The following GRM8 variants were observed in gnomAD, a reference collection of about 807,000 sequenced individuals.
The protein encoded by GRM8 is glutamate metabotropic receptor 8.
GRM8 carries 47 observed loss-of-function variants against 87.2 expected under a neutral mutation model. The observed-to-expected ratio is 0.54, with a 90% CI of 0.43 to 0.69. GRM8 has a LOEUF of 0.69. GRM8 is among the 30% of genes least tolerant of loss of function. GRM8 has a pLI of 0.00. For synonymous variants in GRM8, 396 were observed against 404.5 expected, an observed-to-expected ratio of 0.98 and a Z score of 0.25; for missense variants, 1,019 against 1,139.2, an observed-to-expected ratio of 0.89 and a Z score of 1.52.
In GRM8 at chr7:127,106,484, A is replaced by G. The variant is rs1380588848; in HGVS notation, c.727+12T>C. ...ACCTCCAAATACAATCATCTGATAAATATATGCTTACCAATCTCCCTCGAG... is the reference window on the plus strand; with the variant it reads ...ACCTCCAAATACAATCATCTGATAAGTATATGCTTACCAATCTCCCTCGAG... On this transcript the variant is annotated intron_variant, in intron 3 of 10. Transcript: ENST00000339582. 6.2e-7 allele frequency: 1 copy of G among 1,600,188 alleles called. No homozygotes were observed. Among genetic ancestry groups the G allele is most frequent in the Non-Finnish European group, 8.6e-7 (1 of 1,167,804 alleles).
chr7:126,797,339 A>C (rs1340138680), intron 6 of GRM8, among the ~76,000 whole-genome samples: 1 of 152,138 alleles, frequency 6.6e-6, no homozygotes, highest in Non-Finnish European at 1.5e-5. Context: ...TAAGAACATC[A>C]TTTGTGGTTT....
intron 9 of GRM8, among the ~76,000 whole-genome samples, chr7:126,529,241 A>G (rs1422371138): frequency 1.3e-5 from 2 of 152,144 alleles, no homozygotes; most frequent in Non-Finnish European, 2.9e-5. Context: ...GAAGATTCCC[A>G]TTGTGCTATA....
At chr7:126,500,092 C>T (rs189220824) in intron 9 of GRM8, among the ~76,000 whole-genome samples, 1 of 151,984 alleles carries the variant, frequency 6.6e-6, no homozygotes, top group African/African-American at 2.4e-5. Context: ...AAAGTCCACT[C>T]TTTCAGCCAT....
intron 7 of GRM8, among the ~76,000 whole-genome samples, chr7:126,715,278 T>C (rs900795718): frequency 6.6e-6 from 1 of 152,220 alleles, no homozygotes; most frequent in African/African-American, 2.4e-5. Flanking sequence ...TTTAAGCAGA[T>C]ACTCACAACA....
intron 6 of GRM8, among the ~76,000 whole-genome samples, chr7:126,819,840 C>A (rs950789): frequency 0.28 from 41,852 of 151,280 alleles, 7,206 homozygotes; most frequent in Non-Finnish European, 0.37. Context: ...AATCCGAAGG[C>A]AACCATCAAT....
At chr7:126,473,714 T>C (rs1243858411) in intron 9 of GRM8, among the ~76,000 whole-genome samples, 3 of 152,190 alleles carry the variant, frequency 2.0e-5, no homozygotes, top group African/African-American at 7.2e-5. Flanking sequence ...CCAAATCTTA[T>C]CTTGAATTAT....
chr7:127,051,567 T>C (rs12706759), intron 3 of GRM8, among the ~76,000 whole-genome samples: 38,494 of 151,626 alleles, frequency 0.25, 5,839 homozygotes, highest in Non-Finnish European at 0.36. Context: ...AAAACAACTA[T>C]ATATACATTC....
chr7:126,567,109 C>T (rs4731315), intron 8 of GRM8, among the ~76,000 whole-genome samples: 110,640 of 152,018 alleles, frequency 0.73, 41,161 homozygotes, highest in East Asian at 0.94. Flanking sequence ...TGAGAAATTA[C>T]TCATCAACAT....
intron 2 of GRM8, among the ~76,000 whole-genome samples, chr7:127,159,743 T>A (rs984089079): frequency 2.0e-5 from 3 of 151,784 alleles, no homozygotes; most frequent in African/African-American, 7.2e-5. Flanking sequence ...TTTACACTGT[T>A]TTTCATAAGA....
rs779500061 is a variant in GRM8, at chr7:126,560,712, G to A, written c.1495-26825C>T. Among the ~76,000 whole-genome samples the A allele has an allele frequency of 5.7e-4, 87 of 152,138 alleles. 1 individual carries two copies. Among genetic ancestry groups the A allele is most frequent in the Non-Finnish European group, 1.8e-4 (12 of 68,016 alleles). On this transcript the variant is annotated intron_variant, in intron 8 of 10. Transcript: ENST00000339582. ...ATAATTCTATAAATATCATTTTGAA[G>A]TACTAGCATTCCAATTTCAAGAAAT...
At chr7:126,664,582 G>T (rs1805560425) in intron 7 of GRM8, among the ~76,000 whole-genome samples, 1 of 152,154 alleles carries the variant, frequency 6.6e-6, no homozygotes, top group Admixed American at 6.5e-5. Context: ...GTGGAAGAAT[G>T]AAACTGGACC....
At chr7:126,796,304 A>G (rs1300054026) in intron 6 of GRM8, among the ~76,000 whole-genome samples, 1 of 152,094 alleles carries the variant, frequency 6.6e-6, no homozygotes, top group Non-Finnish European at 1.5e-5. Flanking sequence ...ATCATATCAT[A>G]TCAAACACTT....
At chr7:127,232,321 C>T (rs1381135471) in intron 2 of GRM8, among the ~76,000 whole-genome samples, 1 of 152,046 alleles carries the variant, frequency 6.6e-6, no homozygotes, top group Admixed American at 6.6e-5. Context: ...GCCTCAACCA[C>T]CCAGGCCCAA....
chr7:126,529,062 T>C (rs1338443889), intron 9 of GRM8, among the ~76,000 whole-genome samples: 2 of 152,192 alleles, frequency 1.3e-5, no homozygotes. Context: ...AGGACAACTA[T>C]AATAATTCTT....
At chr7:126,487,406 A>G (rs961853139) in intron 9 of GRM8, among the ~76,000 whole-genome samples, 7 of 152,140 alleles carry the variant, frequency 4.6e-5, no homozygotes, top group Admixed American at 2.6e-4. Context: ...CAGGGACTAC[A>G]GGCATGTGCC....
chr7:126,535,942 C>T (rs1815644539), intron 8 of GRM8, among the ~76,000 whole-genome samples: 1 of 152,216 alleles, frequency 6.6e-6, no homozygotes, highest in African/African-American at 2.4e-5. Flanking sequence ...TGAATACAAA[C>T]TCATGAGAGA....
intron 7 of GRM8, among the ~76,000 whole-genome samples, chr7:126,753,439 CAT>C (rs1008480834): frequency 5.9e-5 from 9 of 151,682 alleles, no homozygotes; most frequent in African/African-American, 1.7e-4. Flanking sequence ...TATACACACA[CAT>C]ATATACACAC....
intron 3 of GRM8, among the ~76,000 whole-genome samples, chr7:126,905,885 G>C (rs1248968514): frequency 6.6e-6 from 1 of 152,184 alleles, no homozygotes; most frequent in South Asian, 2.1e-4. Flanking sequence ...AACATGTCTG[G>C]TGGAGGCCAA....
At chr7:126,771,311 G>C (rs957804631) in intron 6 of GRM8, among the ~76,000 whole-genome samples, 2 of 151,352 alleles carry the variant, frequency 1.3e-5, no homozygotes, top group African/African-American at 4.9e-5. Context: ...TCGAATTATT[G>C]TTTTTGTTCT....
Sources: allele counts gnomAD v4.1 joint callset (sites outside exome capture counted in the v4.1 genomes callset), GRCh38; gene constraint gnomAD v4.1.1; transcripts MANE v1.5; gene names NCBI Gene and HGNC (gene_info 2026-07-23, HGNC 2026-07-21).